The following DNAH10 variants were observed in gnomAD, a reference collection of about 807,000 sequenced individuals.
DNAH10 encodes the protein axonemal beta dynein heavy chain 10.
DNAH10 carries 348 observed loss-of-function variants against 506.6 expected under a neutral mutation model. That is an observed-to-expected ratio of 0.69 (90% confidence interval 0.63 to 0.75). DNAH10 has a LOEUF of 0.75. Among genes scored for constraint, DNAH10 ranks in the 30% least tolerant of loss-of-function variants. The pLI is 0.00. For missense variants in DNAH10, 5,179 were observed against 5,787.1 expected, an observed-to-expected ratio of 0.89 and a Z score of 3.41; for synonymous variants, 2,059 against 2,198.6, an observed-to-expected ratio of 0.94 and a Z score of 1.78.
Position 123,762,504 on chromosome 12 carries a change from C to A in DNAH10, c.168C>A (p.Leu56=), listed in dbSNP as rs371020253. 9.4e-5 allele frequency: 144 copies of A among 1,539,044 alleles called. No individual in the cohort carries two copies. Among genetic ancestry groups the A allele is most frequent in the Non-Finnish European group, 1.2e-4 (138 of 1,141,182 alleles). ...GCGAGGAGGAGGGGCCCTCGGCGCT[C>A]TTCATCTACCGCACTATGGTGCCGG... ...QASEEEGPSA[L]FIYRTMVPEE... Residue 56 remains leucine (L), a synonymous_variant, in exon 1 of 79, where the codon CTC becomes CTA. Coordinates refer to ENST00000673944, the MANE Select transcript of DNAH10 (RefSeq NM_001372106.1). This position sits in a 1 kb window ranked among gnomAD's most constrained non-coding sequence, Gnocchi z 5.0.
chr12:123,934,802 C>A (rs767588389), intron 78 of DNAH10, 36 bp downstream of exon 78: 3 of 1,611,276 alleles, frequency 1.9e-6, no homozygotes, highest in Non-Finnish European at 2.5e-6. Flanking sequence ...GACACCAGGG[C>A]CCTTCCTCTT....
intron 35 of DNAH10, among the ~76,000 whole-genome samples, chr12:123,852,819 C>T (rs1006034106): frequency 6.6e-6 from 1 of 152,172 alleles, no homozygotes; most frequent in East Asian, 1.9e-4. Flanking sequence ...GGTGATCCAC[C>T]CACCTTGGCG....
intron 41 of DNAH10, among the ~76,000 whole-genome samples, chr12:123,866,532 C>T (rs550481161): frequency 2.0e-5 from 3 of 152,054 alleles, no homozygotes; most frequent in South Asian, 4.2e-4. Context: ...CGTGAGCCAC[C>T]GACACACCGA....
intron 17 of DNAH10, among the ~76,000 whole-genome samples, chr12:123,804,097 G>C (rs1356773595): frequency 2.6e-5 from 4 of 151,934 alleles, no homozygotes; most frequent in African/African-American, 9.7e-5. Flanking sequence ...TCACTATGTT[G>C]CCCAGGCTGG....
intron 14 of DNAH10, 120 bp from the exon 15 acceptor site, chr12:123,800,096 C>G: frequency 1.1e-6 from 1 of 879,438 alleles, no homozygotes; most frequent in East Asian, 2.7e-5. Flanking sequence ...CCAGCCAGCA[C>G]CCCCGTCTGG....
chr12:123,908,471 G>T (rs1953913301), intron 57 of DNAH10: 1 of 456,118 alleles, frequency 2.2e-6, no homozygotes. Flanking sequence ...TGTCTGTGCT[G>T]TTCTCTTCCA....
intron 48 of DNAH10, 53 bp from the exon 49 acceptor site, chr12:123,879,211 C>G (rs1952390682): frequency 1.3e-6 from 2 of 1,485,660 alleles, no homozygotes; most frequent in Non-Finnish European, 1.8e-6. Context: ...GCCGTCAGCC[C>G]TGGTATCCTT....
At chr12:123,852,031 G>A (rs1002139609) in intron 35 of DNAH10, among the ~76,000 whole-genome samples, 1 of 151,998 alleles carries the variant, frequency 6.6e-6, no homozygotes, top group Non-Finnish European at 1.5e-5. Context: ...TCAGCCTCCC[G>A]AGTAGCTGGG....
intron 27 of DNAH10, 103 bp downstream of exon 27, chr12:123,833,450 T>C: frequency 2.2e-6 from 2 of 892,674 alleles, no homozygotes; most frequent in South Asian, 3.5e-5. Context: ...GGATATTTTG[T>C]GCTTAGAAAC....
At chr12:123,877,381 G>A (rs1247022124) in intron 47 of DNAH10, among the ~76,000 whole-genome samples, 1 of 152,052 alleles carries the variant, frequency 6.6e-6, no homozygotes, top group South Asian at 2.1e-4. Flanking sequence ...GCGTGATCTC[G>A]GTTCACTGCA....
At position 123,928,976 on chromosome 12, in the gene DNAH10, C is replaced by CTA. The variant is rs1271539883; in HGVS notation, c.12307-298_12307-297insAT. 1 of 484,588 alleles carries CTA rather than the reference C, an allele frequency of 2.1e-6. No homozygotes were observed. Among genetic ancestry groups the CTA allele is most frequent in the Non-Finnish European group, 3.6e-6 (1 of 278,372 alleles). The allele number at this position is 484,588 out of a possible 1,614,324, so 30.0% of individuals were successfully genotyped here. ...TCTTTTGGAAAGGTTTTGTCATTCTCTGTCTCTCTCTCTCTCTCTGGGGAG... is the reference window on the plus strand; with the variant it reads ...TCTTTTGGAAAGGTTTTGTCATTCTCTATGTCTCTCTCTCTCTCTCTGGGGAG... On this transcript the variant is annotated intron_variant, in intron 70 of 78. Coordinates refer to ENST00000673944, the MANE Select transcript of DNAH10 (RefSeq NM_001372106.1). The surrounding 1 kb of genome is among the most constrained non-coding windows in gnomAD (Gnocchi z 4.9).
chr12:123,902,581 G>A lies in DNAH10; in HGVS notation c.9641-358G>A, dbSNP rs527370298. 1.3e-5 allele frequency among the ~76,000 whole-genome samples: 2 copies of A among 152,168 alleles called. No individual in the cohort carries two copies. The highest frequency in any genetic ancestry group is 2.9e-5 in the Non-Finnish European group (2 of 68,034). ...GAAGAGGCGATGAGAGGCAGAAGGA[G>A]GAGATCGCAGGGAGCCGGTAAGCAG... On this transcript the variant is annotated intron_variant, in intron 56 of 78. Coordinates refer to ENST00000673944, the MANE Select transcript of DNAH10 (RefSeq NM_001372106.1). This position sits in a 1 kb window ranked among gnomAD's most constrained non-coding sequence, Gnocchi z 4.5.
rs183634185 is a variant in DNAH10 at position 123,826,995 on chromosome 12, G to A, written c.4391+97G>A. The A allele has an allele frequency of 3.9e-4, 449 of 1,141,872 alleles. No homozygotes were observed. The African/African-American group carries it at 3.9e-3, about 10-fold the overall frequency. The allele number at this position is 1,141,872 out of a possible 1,614,324, so 70.7% of individuals were successfully genotyped here. ...ACATTATCTTTGGTCTGATGATGAAGCACACAATTTCAACAATGCCGCAGG... is the reference window on the plus strand; with the variant it reads ...ACATTATCTTTGGTCTGATGATGAAACACACAATTTCAACAATGCCGCAGG... On this transcript the variant is annotated intron_variant, in intron 25 of 78. Transcript: ENST00000673944.
chr12:123,847,057 T>A (rs1950972490), intron 32 of DNAH10, among the ~76,000 whole-genome samples: 1 of 152,042 alleles, frequency 6.6e-6, no homozygotes, highest in Non-Finnish European at 1.5e-5. Context: ...GCTAGCTAGC[T>A]GGATGGCTGT....
chr12:123,803,014 ACT>A (rs1281102855), intron 16 of DNAH10, among the ~76,000 whole-genome samples: 1 of 150,652 alleles, frequency 6.6e-6, no homozygotes, highest in East Asian at 1.9e-4. Flanking sequence ...ATTTTCTCCC[ACT>A]CTGTCGCTTG....
chr12:123,840,404 T>G (rs1403950141), intron 29 of DNAH10, among the ~76,000 whole-genome samples: 4 of 137,848 alleles, frequency 2.9e-5, no homozygotes, highest in African/African-American at 1.1e-4. Context: ...GTTTTTTTTT[T>G]TTTTTTTTTT....
rs371293981 is a variant in DNAH10, at chr12:123,808,922, A to G, written c.3113A>G (p.His1038Arg). The G allele has an allele frequency of 1.5e-5, 24 of 1,614,004 alleles. No individual in the cohort carries two copies. The highest frequency in any genetic ancestry group is 3.3e-5 in the Admixed American group (2 of 59,988). The change falls in exon 19 of 79, where the codon CAT (histidine) becomes CGT (arginine). Residue 1038 changes from histidine to arginine, a missense_variant. By Grantham distance (29) the His-to-Arg change is conservative. This residue lies in a region of DNAH10 where 4,844 missense variants were observed against 5,430.5 expected (regional missense o/e 0.89). Coordinates refer to ENST00000673944, the MANE Select transcript of DNAH10 (RefSeq NM_001372106.1). ...AATGAGATCGACAAGATGTGCTTCCATTGTGTCCGGAATTGCGTGGAGATC... is the reference window on the plus strand; with the variant it reads ...AATGAGATCGACAAGATGTGCTTCCGTTGTGTCCGGAATTGCGTGGAGATC... ...NTNEIDKMCF[H>R]CVRNCVEITK...
At chr12:123,788,137 C>T (rs1223602372) in intron 10 of DNAH10, 135 bp downstream of exon 10, 1 of 1,035,438 alleles carries the variant, frequency 9.7e-7, no homozygotes, top group East Asian at 2.6e-5. Flanking sequence ...AAGAAAGAAC[C>T]TACGGAATAT....
intron 10 of DNAH10, among the ~76,000 whole-genome samples, chr12:123,789,255 C>CA (rs202164422): frequency 0.015 from 2,301 of 151,000 alleles, 49 homozygotes; most frequent in African/African-American, 0.046. Flanking sequence ...AAAACAAAAA[C>CA]AAAAAATATT....
Sources: gnomAD v4.1 joint callset for allele counts (sites outside exome capture counted in the v4.1 genomes callset) on GRCh38, gnomAD v4.1.1 for gene constraint, gnomAD v4.1.1 regional missense constraint, Gnocchi (gnomAD v3.1) non-coding constraint, MANE v1.5 for transcripts, NCBI Gene and HGNC (gene_info 2026-07-23, HGNC 2026-07-21) for gene names.